The following HS6ST1 variants were observed in gnomAD, a reference collection of about 807,000 sequenced individuals.
HS6ST1 encodes heparan-sulfate 6-O-sulfotransferase 1.
In HS6ST1, 3 loss-of-function variants were observed where a neutral mutation model predicts 25.2. The ratio of observed to expected loss-of-function variants is 0.12; its 90% confidence interval spans 0.05 to 0.31. HS6ST1 has a LOEUF of 0.31. Ranked by LOEUF, HS6ST1 falls within the 10% of genes least tolerant of loss-of-function variation. The probability of loss-of-function intolerance (pLI) is 1.00; values close to 1 mark genes in which losing one functional copy is unlikely to be tolerated. For missense variants in HS6ST1, 310 were observed against 609.6 expected, an observed-to-expected ratio of 0.51 and a Z score of 5.18; for synonymous variants, 204 against 275.1, an observed-to-expected ratio of 0.74 and a Z score of 2.56.
At chr2:128,298,540 C>T (rs1220789844) in intron 1 of HS6ST1, among the ~76,000 whole-genome samples, 2 of 152,174 alleles carry the variant, frequency 1.3e-5, no homozygotes, top group African/African-American at 4.8e-5. Flanking sequence ...ACCTTAAAGA[C>T]ATTATGCTAA....
intron 1 of HS6ST1, 52 bp from the exon 2 acceptor site, chr2:128,268,922 G>C (rs538602356): frequency 4.8e-6 from 7 of 1,469,828 alleles, no homozygotes; most frequent in South Asian, 2.3e-5. Flanking sequence ...CATGAGGGGG[G>C]CTACCAGGGC....
chr2:128,296,986 T>C lies in HS6ST1; in HGVS notation c.527+21051A>G, dbSNP rs550092200. Among the ~76,000 whole-genome samples the C allele has an allele frequency of 5.9e-5, 9 of 152,288 alleles. No homozygotes were observed. The East Asian group carries it at 1.7e-3, about 29-fold the overall frequency. On this transcript the variant is annotated intron_variant, in intron 1 of 1. Transcript: ENST00000259241. The stretch of plus-strand genomic sequence containing the variant: ...CCAATGAGGGAGGATTGTTTGAGCC[T>C]GGGAGGTTAAGGCTGCAGTGAGCCA...
At chr2:128,311,730 G>C (rs1176695375) in intron 1 of HS6ST1, among the ~76,000 whole-genome samples, 2 of 152,232 alleles carry the variant, frequency 1.3e-5, no homozygotes, top group African/African-American at 4.8e-5. Context: ...CACTGGGGCA[G>C]AGCAAGGACA....
intron 1 of HS6ST1, among the ~76,000 whole-genome samples, chr2:128,297,301 G>C (rs1402188426): frequency 1.3e-5 from 2 of 152,192 alleles, no homozygotes; most frequent in Non-Finnish European, 2.9e-5. Context: ...AACAAATGGT[G>C]CTGGGGAAAC....
intron 1 of HS6ST1, among the ~76,000 whole-genome samples, chr2:128,299,765 G>A (rs1240910709): frequency 6.6e-6 from 1 of 152,196 alleles, no homozygotes; most frequent in African/African-American, 2.4e-5. Flanking sequence ...AGGGAGCTGT[G>A]GCTGAGAGGC....
chr2:128,314,793 G>A (rs1173357842), intron 1 of HS6ST1, among the ~76,000 whole-genome samples: 1 of 152,244 alleles, frequency 6.6e-6, no homozygotes, highest in Non-Finnish European at 1.5e-5. Flanking sequence ...TCCCGGCCAA[G>A]GTGGCCCAGA....
At chr2:128,276,505 C>T (rs1033215539) in intron 1 of HS6ST1, among the ~76,000 whole-genome samples, 1 of 152,136 alleles carries the variant, frequency 6.6e-6, no homozygotes, top group Non-Finnish European at 1.5e-5. Flanking sequence ...GGGTGTGGGG[C>T]TGGGATGGCG....
Position 128,268,347 on chromosome 2 carries a change from C to A in HS6ST1, c.1051G>T (p.Ala351Ser). ...NDLDMQLYDYAKDLFQQRYQY... is the reference protein window; with the variant it reads ...NDLDMQLYDYSKDLFQQRYQY... ...TAGCGCTGCTGGAAGAGGTCCTTGG[C>A]GTAGTCGTACAGCTGCATGTCCAGG... is the stretch of plus-strand genomic sequence containing the variant. Residue 351 changes from alanine (A) to serine (S), a missense_variant, in exon 2 of 2, where the codon GCC becomes TCC. Physicochemically the swap from Ala to Ser is moderately conservative, Grantham distance 99. Coordinates refer to ENST00000259241, the MANE Select transcript of HS6ST1 (RefSeq NM_004807.3). 2 of 1,613,648 alleles carry A rather than the reference C, an allele frequency of 1.2e-6. No individual in the cohort carries two copies. The highest frequency in any genetic ancestry group is 1.7e-6 in the Non-Finnish European group (2 of 1,179,868).
chr2:128,287,581 T>C (rs931922868), intron 1 of HS6ST1, among the ~76,000 whole-genome samples: 10 of 152,194 alleles, frequency 6.6e-5, no homozygotes, highest in Non-Finnish European at 1.2e-4. Flanking sequence ...GTGCTGACAA[T>C]GTCCTCCCAG....
chr2:128,313,609 C>T (rs536195590), intron 1 of HS6ST1, among the ~76,000 whole-genome samples: 7 of 152,150 alleles, frequency 4.6e-5, no homozygotes, highest in Non-Finnish European at 1.0e-4. Flanking sequence ...CAAGACCAGG[C>T]CCCTTCTCCT....
chr2:128,278,056 T>C (rs1035317448), intron 1 of HS6ST1, among the ~76,000 whole-genome samples: 2 of 152,252 alleles, frequency 1.3e-5, no homozygotes, highest in Non-Finnish European at 2.9e-5. Context: ...AGAACTGGCC[T>C]GGGAGCCCCA....
In HS6ST1 at chr2:128,299,167, C is replaced by T. The variant is rs573150033; in HGVS notation, c.527+18870G>A. Among the ~76,000 whole-genome samples the T allele has an allele frequency of 3.6e-4, 55 of 152,374 alleles. No homozygotes were observed. In the South Asian group the frequency reaches 6.4e-3, roughly 18 times the overall value. On this transcript the variant is annotated intron_variant, in intron 1 of 1. Transcript: ENST00000259241. ...AGGGACAGAGCAGGCTTCGCAAGTG[C>T]CTGCCTCCTGCCATGCAGCAGAGAG...
intron 1 of HS6ST1, among the ~76,000 whole-genome samples, chr2:128,317,417 G>C (rs1312471334): frequency 6.6e-6 from 1 of 152,228 alleles, no homozygotes; most frequent in Non-Finnish European, 1.5e-5. Context: ...TCGGCTGGCA[G>C]GCCCCACTGG....
chr2:128,301,061 A>G (rs1466528014), intron 1 of HS6ST1, among the ~76,000 whole-genome samples: 1 of 152,230 alleles, frequency 6.6e-6, no homozygotes, highest in Non-Finnish European at 1.5e-5. Context: ...ACATGCAGCA[A>G]CAGCCTCCTG....
chr2:128,278,638 G>A (rs1693732844), intron 1 of HS6ST1, among the ~76,000 whole-genome samples: 1 of 152,204 alleles, frequency 6.6e-6, no homozygotes, highest in African/African-American at 2.4e-5. Context: ...TCCTGAAGAT[G>A]TGGAGAAAGG....
chr2:128,279,018 A>T (rs1049267890), intron 1 of HS6ST1, among the ~76,000 whole-genome samples: 4 of 152,258 alleles, frequency 2.6e-5, no homozygotes, highest in African/African-American at 9.6e-5. Flanking sequence ...AAATAATGTA[A>T]TGAAGATCAC....
intron 1 of HS6ST1, among the ~76,000 whole-genome samples, chr2:128,282,286 C>T (rs887462506): frequency 1.4e-4 from 22 of 152,354 alleles, no homozygotes; most frequent in African/African-American, 4.8e-4. Context: ...CTGGGCTGAA[C>T]CACTGTAAAC....
intron 1 of HS6ST1, among the ~76,000 whole-genome samples, chr2:128,294,711 T>TGTGG (rs1553456959): frequency 7.3e-6 from 1 of 137,468 alleles, no homozygotes; most frequent in Non-Finnish European, 1.6e-5. Context: ...TGTGTGTGTG[T>TGTGG]GTGTGGAGGG....
chr2:128,296,085 AG>A (rs1343113557), intron 1 of HS6ST1, among the ~76,000 whole-genome samples: 1 of 152,222 alleles, frequency 6.6e-6, no homozygotes, highest in Non-Finnish European at 1.5e-5. Flanking sequence ...AGGGGATACA[AG>A]ACAGGCAACA....
Sources: gnomAD v4.1 joint callset for allele counts (sites outside exome capture counted in the v4.1 genomes callset) on GRCh38, gnomAD v4.1.1 for gene constraint, MANE v1.5 for transcripts, NCBI Gene and HGNC (gene_info 2026-07-23, HGNC 2026-07-21) for gene names.